DIP2A: variants seen among roughly 807,000 people sequenced by gnomAD.
The protein encoded by DIP2A is disco-interacting protein 2 homolog A.
A neutral mutation model predicts 177.4 loss-of-function variants in DIP2A; 85 were observed. The observed-to-expected ratio is 0.48, with a 90% CI of 0.40 to 0.57. The LOEUF is 0.57. DIP2A is among the 20% of genes least tolerant of loss of function. DIP2A has a pLI of 0.00. For synonymous variants in DIP2A, 886 were observed against 881.8 expected (o/e 1.00, Z -0.08); for missense variants, 1,791 against 2,100.2 (o/e 0.85, Z 2.88).
In DIP2A at chr21:46,534,073, C is replaced by T. The variant is rs1426538022; in HGVS notation, c.1499C>T (p.Pro500Leu). 6 of 1,613,784 alleles carry T rather than the reference C, an allele frequency of 3.7e-6. No individual in the cohort carries two copies. The highest frequency in any genetic ancestry group is 2.7e-5 in the African/African-American group (2 of 74,910). The change falls in exon 12 of 38, where the codon CCT (proline) becomes CTT (leucine). Residue 500 changes from proline to leucine, a missense_variant. Pro to Leu is a moderately conservative substitution (Grantham distance 98). Coordinates refer to ENST00000417564, the MANE Select transcript of DIP2A (RefSeq NM_015151.4). The stretch of plus-strand genomic sequence containing the variant: ...GCCAAGCCCCCAAAGGACTGGCACC[C>T]TCTGGCCCAGGACACAGGGACTGGG... ...HLAKPPKDWH[P>L]LAQDTGTGTA...
At chr21:46,473,455 A>AG (rs2055572899) in intron 1 of DIP2A, among the ~76,000 whole-genome samples, 1 of 130,374 alleles carries the variant, frequency 7.7e-6, no homozygotes, top group African/African-American at 3.0e-5. Context: ...ACCATGTCTC[A>AG]GGGAAAAAAA....
chr21:46,469,919 G>A (rs893155515), intron 1 of DIP2A, among the ~76,000 whole-genome samples: 2 of 152,272 alleles, frequency 1.3e-5, no homozygotes, highest in East Asian at 1.9e-4. Context: ...TCAGGGGCCA[G>A]GATACCTGTT....
chr21:46,533,616 G>A lies in DIP2A; in HGVS notation c.1398G>A (p.Lys466=). The stretch of plus-strand genomic sequence containing the variant: ...ACGCTTGTCAGAAAGGCCTCCCCAA[G>A]GCACAGACAGGAGAGGTGGCAGCTT... ...TTDACQKGLP[K]AQTGEVAAFK... is the part of the protein sequence containing the mutation. Residue 466 remains lysine (K), a synonymous_variant, in exon 11 of 38, where the codon AAG becomes AAA. Transcript: ENST00000417564. 6.2e-7 allele frequency: 1 copy of A among 1,614,044 alleles called. No individual in the cohort carries two copies. The highest frequency in any genetic ancestry group is 1.1e-5 in the South Asian group (1 of 91,084).
chr21:46,563,742 A>G lies in DIP2A; in HGVS notation c.4090-116A>G. On this transcript the variant is annotated intron_variant, in intron 34 of 37. Transcript: ENST00000417564. The surrounding 1 kb of genome is among the most constrained non-coding windows in gnomAD (Gnocchi z 4.3). The stretch of plus-strand genomic sequence containing the variant: ...CGGCCTCTAAACTTCCTGACCTGAC[A>G]TGAGCACATCAGTCCTGCAGGCCAG... The G allele has an allele frequency of 1.4e-6, 2 of 1,469,626 alleles. No individual in the cohort carries two copies. Among genetic ancestry groups the G allele is most frequent in the South Asian group, 1.4e-5 (1 of 71,886 alleles). 91.0% of individuals were successfully genotyped at this position (1,469,626 alleles called of 1,614,324 possible). A position where few individuals can be genotyped will look rare whatever the true frequency, so the allele number is the denominator to read the frequency against.
chr21:46,490,728 A>G lies in DIP2A; in HGVS notation c.283+9A>G. ...TGAGCGCTTCCGGTCAGGTAGGGTC[A>G]CAGCCTAGGCAGTGGGGAAGGTGGA... On this transcript the variant is annotated intron_variant, in intron 3 of 37. Transcript: ENST00000417564. 1.3e-6 allele frequency: 2 copies of G among 1,566,830 alleles called. No homozygotes were observed. The highest frequency in any genetic ancestry group is 2.4e-5 in the South Asian group (2 of 85,000).
chr21:46,549,395 A>G (rs1290876760), intron 21 of DIP2A, among the ~76,000 whole-genome samples: 1 of 152,268 alleles, frequency 6.6e-6, no homozygotes, highest in Non-Finnish European at 1.5e-5. Flanking sequence ...ATAAATGTCA[A>G]TAGACTAACT....
At position 46,504,421 on chromosome 21, in the gene DIP2A, G is replaced by C. The variant is rs201002582; in HGVS notation, c.716G>C (p.Arg239Pro). Residue 239 changes from arginine to proline, a missense_variant, in exon 6 of 38, where the codon CGT (arginine) becomes CCT (proline). Arg to Pro is a moderately radical substitution (Grantham distance 103). Transcript: ENST00000417564. Reference sequence around the variant, plus strand: ...CTCGTGGAGCATTCGTACTTTGAGCGTCCACAGGTGGCTTCTGTGAGAAGT... The same window carrying C: ...CTCGTGGAGCATTCGTACTTTGAGCCTCCACAGGTGGCTTCTGTGAGAAGT... ...TGLVEHSYFE[R>P]PQVASVRSVP... 1 of 1,613,798 alleles carries C rather than the reference G, an allele frequency of 6.2e-7. No individual in the cohort carries two copies. Among genetic ancestry groups the C allele is most frequent in the Non-Finnish European group, 8.5e-7 (1 of 1,179,836 alleles).
intron 10 of DIP2A, among the ~76,000 whole-genome samples, chr21:46,533,001 A>G (rs2059415567): frequency 6.6e-6 from 1 of 152,200 alleles, no homozygotes; most frequent in Admixed American, 6.5e-5. Context: ...ATGGGCAGGT[A>G]TTTGAATGCA....
At chr21:46,551,187 A>G (rs2060259504) in intron 23 of DIP2A, among the ~76,000 whole-genome samples, 1 of 152,194 alleles carries the variant, frequency 6.6e-6, no homozygotes. Context: ...TTTAAAAGCT[A>G]ATTTTAGAGA....
intron 21 of DIP2A, among the ~76,000 whole-genome samples, chr21:46,548,258 C>A (rs1412274651): frequency 1.3e-5 from 2 of 152,020 alleles, no homozygotes; most frequent in African/African-American, 4.8e-5. Flanking sequence ...AGGGTCATGA[C>A]CCCCCTCACA....
intron 8 of DIP2A, among the ~76,000 whole-genome samples, chr21:46,527,456 G>A (rs1046210090): frequency 1.3e-5 from 2 of 151,078 alleles, no homozygotes; most frequent in African/African-American, 4.9e-5. Context: ...CTCCTGAGTA[G>A]TTGGGATTAC....
chr21:46,563,786 T>G lies in DIP2A; in HGVS notation c.4090-72T>G. On this transcript the variant is annotated intron_variant, in intron 34 of 37. Transcript: ENST00000417564. This position sits in a 1 kb window ranked among gnomAD's most constrained non-coding sequence, Gnocchi z 4.3. Reference sequence around the variant, plus strand: ...AGGCCAGCTTCTGAGGGACGTTATTTTAATGTCACTGAATCAAGAGAGTCT... The same window carrying G: ...AGGCCAGCTTCTGAGGGACGTTATTGTAATGTCACTGAATCAAGAGAGTCT... 1 of 1,572,832 alleles carries G rather than the reference T, an allele frequency of 6.4e-7. No individual in the cohort carries two copies. Among genetic ancestry groups the G allele is most frequent in the Admixed American group, 1.9e-5 (1 of 53,098 alleles).
chr21:46,524,872 C>CTTTTTTTTTTTTTTT (rs3061062), intron 8 of DIP2A, among the ~76,000 whole-genome samples: 1 of 63,400 alleles, frequency 1.6e-5, no homozygotes, highest in Non-Finnish European at 2.8e-5. Flanking sequence ...TTGCTTTTTG[C>CTTTTTTTTTTTTTTT]TTTTTTTTTT....
chr21:46,522,988 C>T (rs570427465), intron 8 of DIP2A, among the ~76,000 whole-genome samples: 60 of 150,406 alleles, frequency 4.0e-4, no homozygotes, highest in African/African-American at 1.4e-3. Flanking sequence ...TGTAATGGCG[C>T]GATCTCAGGT....
chr21:46,565,393 G>A (rs1046313398), intron 35 of DIP2A, among the ~76,000 whole-genome samples: 83 of 152,306 alleles, frequency 5.4e-4, no homozygotes, highest in African/African-American at 1.9e-3. Context: ...GGTTGCTCCC[G>A]GCCCTCTCTT....
At chr21:46,543,326 A>G (rs988665408) in intron 18 of DIP2A, among the ~76,000 whole-genome samples, 1 of 152,204 alleles carries the variant, frequency 6.6e-6, no homozygotes, top group Non-Finnish European at 1.5e-5. Flanking sequence ...ATGATTCTGA[A>G]TGAATCTTAG....
chr21:46,582,809 A>C, the DIP2A span, among the ~76,000 whole-genome samples: 1 of 152,166 alleles, frequency 6.6e-6, no homozygotes, highest in African/African-American at 2.4e-5. Flanking sequence ...GCCAAATGGT[A>C]ACTTGGATCC....
At chr21:46,469,949 A>G (rs1446826325) in intron 1 of DIP2A, among the ~76,000 whole-genome samples, 1 of 152,166 alleles carries the variant, frequency 6.6e-6, no homozygotes, top group African/African-American at 2.4e-5. Flanking sequence ...GAAAAAAAAG[A>G]TAGAATTCAA....
Position 46,556,995 on chromosome 21 carries a change from G to A in DIP2A, c.3555G>A (p.Leu1185=). 1 of 1,601,858 alleles carries A rather than the reference G, an allele frequency of 6.2e-7. No homozygotes were observed. Among genetic ancestry groups the A allele is most frequent in the South Asian group, 1.1e-5 (1 of 89,142 alleles). The change falls in exon 30 of 38, where the codon CTG becomes CTA. Residue 1185 remains leucine (L), a synonymous_variant. Coordinates refer to ENST00000417564, the MANE Select transcript of DIP2A (RefSeq NM_015151.4). The surrounding 1 kb of genome is among the most constrained non-coding windows in gnomAD (Gnocchi z 4.5). The part of the protein sequence containing the change: ...LCRSIKLQCE[L]YPSRQIAICL... ...GCTCCATAAAGCTGCAGTGTGAGCT[G>A]TACCCCTCGCGGCAGATCGCCATCT...
Sources: allele counts gnomAD v4.1 joint callset (sites outside exome capture counted in the v4.1 genomes callset), GRCh38; gene constraint gnomAD v4.1.1; non-coding constraint Gnocchi (gnomAD v3.1); transcripts MANE v1.5; gene names NCBI Gene and HGNC (gene_info 2026-07-23, HGNC 2026-07-21).